Variants in DUSP15 observed in about 807,000 individuals in gnomAD.
The protein encoded by DUSP15 is dual specificity phosphatase 15, also known as dual specificity protein phosphatase 15.
DUSP15 carries 23 observed loss-of-function variants against 26.3 expected under a neutral mutation model. The ratio of observed to expected loss-of-function variants is 0.87; its 90% confidence interval spans 0.63 to 1.24. The LOEUF (loss-of-function observed/expected upper bound fraction) is 1.24. Ranked by LOEUF, DUSP15 falls within the 50% of genes most tolerant of loss-of-function variation. The pLI is 0.00. For missense variants in DUSP15, 364 were observed against 320.6 expected (o/e 1.14, Z -1.03); for synonymous variants, 143 against 135.5 (o/e 1.06, Z -0.39).
chr20:31,860,613 G>A (rs1018356133), downstream of DUSP15, among the ~76,000 whole-genome samples: 1 of 152,200 alleles, frequency 6.6e-6, no homozygotes, highest in African/African-American at 2.4e-5. Flanking sequence ...TGTGTGCTCC[G>A]GCAAGCTGCC....
intron 2 of DUSP15, among the ~76,000 whole-genome samples, chr20:31,868,593 C>A (rs971460108): frequency 1.3e-5 from 2 of 151,428 alleles, no homozygotes. Flanking sequence ...GATTCTCCTG[C>A]CTCAGCCTCC....
intron 7 of DUSP15, among the ~76,000 whole-genome samples, chr20:31,850,280 C>T (rs768332403): frequency 1.3e-5 from 2 of 152,200 alleles, no homozygotes; most frequent in Non-Finnish European, 2.9e-5. Flanking sequence ...GGGTTGTGGG[C>T]TCTGCAGCCA....
At chr20:31,858,209 G>A (rs2062592912), downstream of DUSP15, among the ~76,000 whole-genome samples, 1 of 152,258 alleles carries the variant, frequency 6.6e-6, no homozygotes, top group Middle Eastern at 3.4e-3. This position sits in a 1 kb window ranked among gnomAD's most constrained non-coding sequence, Gnocchi z 4.4. Context: ...CAGGGGATGC[G>A]AAAGAGGGTC....
At chr20:31,858,705 C>G (rs1342195464), downstream of DUSP15, among the ~76,000 whole-genome samples, 1 of 152,206 alleles carries the variant, frequency 6.6e-6, no homozygotes, top group African/African-American at 2.4e-5. This position sits in a 1 kb window ranked among gnomAD's most constrained non-coding sequence, Gnocchi z 4.4. Context: ...CTGCTCTTCC[C>G]AGCCCACCTG....
At chr20:31,848,064 C>T (rs1366166335) in exon 10 of DUSP15, 3 of 242,580 alleles carry the variant, frequency 1.2e-5, no homozygotes, top group African/African-American at 4.5e-5. Context: ...TTTAAGCAAA[C>T]GTTTTAATGG....
intron 7 of DUSP15, among the ~76,000 whole-genome samples, chr20:31,850,317 C>T (rs180886572): frequency 1.3e-5 from 2 of 152,316 alleles, no homozygotes; most frequent in African/African-American, 4.8e-5. Flanking sequence ...TCTATCACTG[C>T]CACTTAGGAG....
chr20:31,849,576 T>A, intron 8 of DUSP15: 1 of 1,204,254 alleles, frequency 8.3e-7, no homozygotes, highest in Non-Finnish European at 1.2e-6. Flanking sequence ...AGGTGGCAGG[T>A]GCGCCTGCGC....
intron 7 of DUSP15, chr20:31,849,902 T>A (rs772804092): frequency 3.4e-6 from 5 of 1,457,498 alleles, no homozygotes; most frequent in Non-Finnish European, 4.5e-6. Context: ...GTGCACGGGC[T>A]GGACGTGGGC....
intron 2 of DUSP15, among the ~76,000 whole-genome samples, chr20:31,867,640 T>TTTTG (rs1568700009): frequency 2.6e-4 from 11 of 42,524 alleles, no homozygotes; most frequent in African/African-American, 1.1e-3. Context: ...TGTTTTTTTT[T>TTTTG]TTTTTTTTTT....
chr20:31,853,685 T>C (rs2062512517), intron 6 of DUSP15, among the ~76,000 whole-genome samples: 1 of 149,288 alleles, frequency 6.7e-6, no homozygotes, highest in Non-Finnish European at 1.5e-5. Flanking sequence ...CACTGCAACC[T>C]CGACCTCCTG....
intron 3 of DUSP15, among the ~76,000 whole-genome samples, chr20:31,866,286 T>C (rs1307712619): frequency 2.6e-5 from 4 of 152,184 alleles, no homozygotes; most frequent in Admixed American, 2.6e-4. Flanking sequence ...GTTTATGGGA[T>C]AAGAATATGA....
chr20:31,846,442 TAGAGAG>T (rs71185371), downstream of DUSP15, among the ~76,000 whole-genome samples: 91 of 107,864 alleles, frequency 8.4e-4, no homozygotes, highest in Middle Eastern at 4.2e-3. Flanking sequence ...AAGGAATGAA[TAGAGAG>T]AGAGAGAGAG....
At chr20:31,850,282 C>T (rs188125283) in intron 7 of DUSP15, among the ~76,000 whole-genome samples, 1 of 152,332 alleles carries the variant, frequency 6.6e-6, no homozygotes, top group Admixed American at 6.5e-5. Flanking sequence ...GTTGTGGGCT[C>T]TGCAGCCAGG....
chr20:31,869,547 G>C lies in DUSP15; in HGVS notation c.55+17C>G, dbSNP rs2062866679. 1.2e-6 allele frequency: 2 copies of C among 1,610,560 alleles called. No individual in the cohort carries two copies. Among genetic ancestry groups the C allele is most frequent in the African/African-American group, 2.7e-5 (2 of 74,916 alleles). On this transcript the variant is annotated intron_variant, in intron 2 of 6. Coordinates refer to ENST00000339738, the MANE Select transcript of DUSP15 (RefSeq NM_080611.5). ...GGCAGAGTGCCATGGCCTCGGGACA[G>C]AGTGGGCAGTGCTCACCAATGAAGT...
chr20:31,870,545 TGCCACCGCCGCCGCC>T, upstream of DUSP15: 1 of 1,454,064 alleles, frequency 6.9e-7, no homozygotes, highest in Non-Finnish European at 9.0e-7. This position sits in a 1 kb window ranked among gnomAD's most constrained non-coding sequence, Gnocchi z 6.6. Context: ...GAGCCGCCGC[TGCCACCGCCGCCGCC>T]GCAGGCTCCT....
chr20:31,861,738 G>GGGGGGGCCCCCCCCCCC, intron 6 of DUSP15, 63 bp from the exon 7 acceptor site: 1 of 1,290,718 alleles, frequency 7.7e-7, no homozygotes, highest in Non-Finnish European at 1.0e-6. Flanking sequence ...AAGGCAGCCG[G>GGGGGGGCCCCCCCCCCC]CCCCGCCCCC....
At chr20:31,860,996 CCCTGGCAGTCCTGCTGGCT>C (rs1429127751), downstream of DUSP15, 2 of 1,016,538 alleles carry the variant, frequency 2.0e-6, no homozygotes, top group Non-Finnish European at 2.3e-6. Flanking sequence ...GGCTGCTGGC[CCCTGGCAGTCCTGCTGGCT>C]CCTGGCAGAA....
intron 1 of DUSP15, chr20:31,869,946 A>C: frequency 7.4e-7 from 1 of 1,348,340 alleles, no homozygotes; most frequent in Non-Finnish European, 9.5e-7. Context: ...CAGAAAGGCA[A>C]TGACAGGCAG....
intron 6 of DUSP15, among the ~76,000 whole-genome samples, chr20:31,851,920 C>T (rs916487619): frequency 2.6e-5 from 4 of 152,258 alleles, no homozygotes; most frequent in East Asian, 3.9e-4. Context: ...TCAATTTAGA[C>T]GATCCCAGAT....
Sources: allele counts gnomAD v4.1 joint callset (sites outside exome capture counted in the v4.1 genomes callset), GRCh38; gene constraint gnomAD v4.1.1; non-coding constraint Gnocchi (gnomAD v3.1); transcripts MANE v1.5; gene names NCBI Gene and HGNC (gene_info 2026-07-23, HGNC 2026-07-21).